EPHA6: variants seen among roughly 807,000 people sequenced by gnomAD.
The protein encoded by EPHA6 is EPH receptor A6.
Under a neutral mutation model 112.0 loss-of-function variants are expected in EPHA6, and 50 were observed. The ratio of observed to expected loss-of-function variants is 0.45; its 90% confidence interval spans 0.36 to 0.56. The LOEUF is 0.56. Ranked by LOEUF, EPHA6 falls within the 20% of genes least tolerant of loss-of-function variation. EPHA6 has a pLI of 0.00. For synonymous variants in EPHA6, 529 were observed against 490.7 expected (o/e 1.08, Z -1.03); for missense variants, 1,280 against 1,417.4 (o/e 0.90, Z 1.56).
rs558675373 is a variant in EPHA6, at chr3:96,989,017, A to G, written c.1114+1024A>G. ...ATCAAAACACAAATATAGAAAAAAAATTATTTCATGGTAAATAGTAATATA... is the reference window on the plus strand; with the variant it reads ...ATCAAAACACAAATATAGAAAAAAAGTTATTTCATGGTAAATAGTAATATA... On this transcript the variant is annotated intron_variant, in intron 3 of 17. Transcript: ENST00000389672. Among the ~76,000 whole-genome samples the G allele has an allele frequency of 8.8e-4, 134 of 152,254 alleles. 1 individual carries two copies. Among genetic ancestry groups the G allele is most frequent in the African/African-American group, 3.0e-3 (126 of 41,564 alleles).
intron 3 of EPHA6, among the ~76,000 whole-genome samples, chr3:97,047,910 A>C (rs1225467004): frequency 6.6e-6 from 1 of 152,180 alleles, no homozygotes; most frequent in Non-Finnish European, 1.5e-5. Flanking sequence ...CAATGGCATT[A>C]TTGACAAATG....
At chr3:97,387,945 C>A (rs2086166354) in intron 5 of EPHA6, among the ~76,000 whole-genome samples, 1 of 152,138 alleles carries the variant, frequency 6.6e-6, no homozygotes, top group Non-Finnish European at 1.5e-5. Flanking sequence ...TACATCTTCA[C>A]ATGGCTGGCA....
chr3:96,997,545 A>G (rs971521300), intron 3 of EPHA6, among the ~76,000 whole-genome samples: 2 of 151,920 alleles, frequency 1.3e-5, no homozygotes, highest in African/African-American at 4.8e-5. Context: ...GAGAAGGGAG[A>G]ATGGCCAGTG....
intron 5 of EPHA6, among the ~76,000 whole-genome samples, chr3:97,357,712 G>T (rs1376496714): frequency 1.3e-5 from 2 of 152,160 alleles, no homozygotes; most frequent in African/African-American, 4.8e-5. Context: ...TAATAGCTTA[G>T]TGTTGACTGG....
intron 4 of EPHA6, among the ~76,000 whole-genome samples, chr3:97,243,522 A>G (rs1028040709): frequency 6.6e-6 from 1 of 151,898 alleles, no homozygotes; most frequent in Admixed American, 6.6e-5. Flanking sequence ...TTATAGTATG[A>G]AGACTGAAAA....
At chr3:97,423,743 C>T (rs1224122118) in intron 6 of EPHA6, among the ~76,000 whole-genome samples, 9 of 152,140 alleles carry the variant, frequency 5.9e-5, no homozygotes, top group Admixed American at 5.2e-4. Flanking sequence ...CATCACATTA[C>T]CTGACTTCAA....
At chr3:97,086,607 A>G (rs2046908761) in intron 3 of EPHA6, among the ~76,000 whole-genome samples, 1 of 152,086 alleles carries the variant, frequency 6.6e-6, no homozygotes, top group Non-Finnish European at 1.5e-5. Flanking sequence ...ACACATAAGC[A>G]CATATACATA....
chr3:97,008,546 G>C (rs1030052832), intron 3 of EPHA6, among the ~76,000 whole-genome samples: 8 of 152,072 alleles, frequency 5.3e-5, no homozygotes, highest in African/African-American at 1.9e-4. Flanking sequence ...TTTGAGTTGG[G>C]TTAGAACATG....
intron 5 of EPHA6, among the ~76,000 whole-genome samples, chr3:97,403,069 A>G (rs921969012): frequency 2.0e-5 from 3 of 150,326 alleles, no homozygotes; most frequent in Non-Finnish European, 2.9e-5. Context: ...GTTTTTATTT[A>G]CCTTAATATA....
intron 3 of EPHA6, among the ~76,000 whole-genome samples, chr3:97,152,646 T>A (rs1275664103): frequency 6.6e-6 from 1 of 152,042 alleles, no homozygotes; most frequent in African/African-American, 2.4e-5. Context: ...TACTTAATAC[T>A]TATTATCCTT....
chr3:97,689,765 C>G (rs551505250), intron 14 of EPHA6, among the ~76,000 whole-genome samples: 19 of 152,232 alleles, frequency 1.2e-4, no homozygotes, highest in African/African-American at 3.6e-4. Context: ...TCACACCCCC[C>G]CTAAAAATCT....
At chr3:97,275,831 T>G (rs1576824617) in intron 5 of EPHA6, among the ~76,000 whole-genome samples, 1 of 149,614 alleles carries the variant, frequency 6.7e-6, no homozygotes, top group African/African-American at 2.5e-5. Flanking sequence ...TGGGTTAAGG[T>G]GGGGGGATAT....
At chr3:97,655,655 G>T (rs2094133732) in intron 14 of EPHA6, among the ~76,000 whole-genome samples, 1 of 150,726 alleles carries the variant, frequency 6.6e-6, no homozygotes, top group Non-Finnish European at 1.5e-5. Flanking sequence ...TAATGGGATG[G>T]CTGGGTCAAA....
intron 4 of EPHA6, among the ~76,000 whole-genome samples, chr3:97,239,947 A>T (rs2078793722): frequency 6.6e-6 from 1 of 151,916 alleles, no homozygotes; most frequent in Non-Finnish European, 1.5e-5. Flanking sequence ...ACAGATAAAT[A>T]CTGGCTGTCA....
intron 11 of EPHA6, among the ~76,000 whole-genome samples, chr3:97,564,263 C>CA: frequency 6.6e-6 from 1 of 152,048 alleles, no homozygotes; most frequent in East Asian, 1.9e-4. Context: ...CATAAGTGTA[C>CA]AAAAAAAGTT....
intron 7 of EPHA6, among the ~76,000 whole-genome samples, chr3:97,472,602 G>A (rs923280920): frequency 6.6e-5 from 10 of 151,758 alleles, no homozygotes; most frequent in South Asian, 2.1e-4. Flanking sequence ...ATGATAAAAC[G>A]CAAAAATTAT....
chr3:97,736,464 AGAGAGAGTGTGTGTGTGTGT>A (rs2035259648), intron 16 of EPHA6, among the ~76,000 whole-genome samples: 1 of 143,254 alleles, frequency 7.0e-6, no homozygotes, highest in South Asian at 2.2e-4. Context: ...AGAGAGAGAG[AGAGAGAGTGTGTGTGTGTGT>A]GTGTGTGTGT....
intron 3 of EPHA6, among the ~76,000 whole-genome samples, chr3:97,173,047 AT>A (rs964420764): frequency 6.6e-6 from 1 of 151,776 alleles, no homozygotes; most frequent in East Asian, 1.9e-4. Context: ...ATGTTTTGTC[AT>A]TTTTTTATTA....
chr3:97,056,932 A>G (rs1418799168), intron 3 of EPHA6, among the ~76,000 whole-genome samples: 1 of 152,198 alleles, frequency 6.6e-6, no homozygotes, highest in Non-Finnish European at 1.5e-5. Context: ...TATTGCTACC[A>G]AGACTCTTGC....
Sources: allele counts gnomAD v4.1 joint callset (sites outside exome capture counted in the v4.1 genomes callset), GRCh38; gene constraint gnomAD v4.1.1; transcripts MANE v1.5; gene names NCBI Gene and HGNC (gene_info 2026-07-23, HGNC 2026-07-21).